MELTF: variants seen among roughly 807,000 people sequenced by gnomAD.
MELTF encodes the protein melanotransferrin.
A neutral mutation model predicts 83.7 loss-of-function variants in MELTF; 67 were observed. The observed-to-expected ratio is 0.80, with a 90% CI of 0.66 to 0.98. The LOEUF is 0.98. MELTF is among the 50% of genes least tolerant of loss of function. MELTF has a pLI of 0.00. For synonymous variants in MELTF, 462 were observed against 447.6 expected (o/e 1.03, Z -0.41); for missense variants, 1,002 against 1,035.6 (o/e 0.97, Z 0.44).
Position 197,017,244 on chromosome 3 carries a change from G to A in MELTF, c.759C>T (p.Phe253=), listed in dbSNP as rs768912729. Residue 253 remains phenylalanine, a synonymous_variant, in exon 7 of 16, where the codon TTC becomes TTT. Transcript: ENST00000296350. The part of the protein sequence containing the change: ...SWGQALLSQD[F]ELLCRDGSRA... Reference sequence around the variant, plus strand: ...GGCTACCATCCCGGCACAGCAGCTCGAAGTCCTGTGACAGCAGGGCCTGGC... The same window carrying A: ...GGCTACCATCCCGGCACAGCAGCTCAAAGTCCTGTGACAGCAGGGCCTGGC... 1.1e-5 allele frequency: 17 copies of A among 1,585,488 alleles called. 1 individual carries two copies. Among genetic ancestry groups the A allele is most frequent in the East Asian group, 4.5e-5 (2 of 43,958 alleles).
intron 11 of MELTF, 110 bp downstream of exon 11, chr3:197,009,508 G>A (rs754419691): frequency 6.5e-6 from 7 of 1,078,708 alleles, no homozygotes; most frequent in Non-Finnish European, 9.4e-6. Context: ...GGGCACATAT[G>A]CAGAAGCCTG....
At chr3:197,017,724 A>C (rs1221591407) in intron 6 of MELTF, among the ~76,000 whole-genome samples, 1 of 152,074 alleles carries the variant, frequency 6.6e-6, no homozygotes, top group Non-Finnish European at 1.5e-5. Context: ...AAAAATACAA[A>C]AAATTAGCTG....
chr3:197,003,343 A>G lies in MELTF; in HGVS notation c.*29T>C. 3 of 1,026,030 alleles carry G rather than the reference A, an allele frequency of 2.9e-6. No homozygotes were observed. Among genetic ancestry groups the G allele is most frequent in the Non-Finnish European group, 2.3e-6 (2 of 860,382 alleles). The allele number at this position is 1,026,030 out of a possible 1,614,324, so 63.6% of individuals were successfully genotyped here. On this transcript the variant is annotated 3_prime_UTR_variant, in exon 16 of 16. Transcript: ENST00000296350. The surrounding 1 kb of genome is among the most constrained non-coding windows in gnomAD (Gnocchi z 6.2). Reference sequence around the variant, plus strand: ...CGCCGCGGAAACTCCCCGGGCGGGCATCGGAGCTCTGGGGCGGGGCGGCCG... The same window carrying G: ...CGCCGCGGAAACTCCCCGGGCGGGCGTCGGAGCTCTGGGGCGGGGCGGCCG...
intron 9 of MELTF, 150 bp from the exon 10 acceptor site, chr3:197,010,944 C>T: frequency 3.0e-6 from 2 of 677,762 alleles, no homozygotes. Flanking sequence ...AGTACCCCAT[C>T]CTGGCAGTCT....
At position 197,029,673 on chromosome 3, in the gene MELTF, C is replaced by G. The variant is rs763585066; in HGVS notation, c.30G>C (p.Leu10=). ...CCTCACCGGTGCGCAGAGCCAGGAG[C>G]AGCCACAGAGCCCCGCTCGGACCCC... MRGPSGALW[L]LLALRTVLGG... The change falls in exon 1 of 16, where the codon CTG becomes CTC. Residue 10 remains leucine, a synonymous_variant. Transcript: ENST00000296350. This position sits in a 1 kb window ranked among gnomAD's most constrained non-coding sequence, Gnocchi z 6.5. 13 of 1,247,816 alleles carry G rather than the reference C, an allele frequency of 1.0e-5. No homozygotes were observed. The East Asian group carries it at 2.8e-4, about 27-fold the overall frequency. The allele number at this position is 1,247,816 out of a possible 1,614,324, so 77.3% of individuals were successfully genotyped here. A position where few individuals can be genotyped will look rare whatever the true frequency, so the allele number is the denominator to read the frequency against.
intron 3 of MELTF, chr3:197,026,371 C>T (rs1367777618): frequency 1.9e-5 from 8 of 412,356 alleles, no homozygotes; most frequent in South Asian, 1.4e-4. Flanking sequence ...GCACCGTGCC[C>T]GGCACCACGC....
intron 6 of MELTF, among the ~76,000 whole-genome samples, chr3:197,020,533 CAGTT>C (rs1407957170): frequency 6.6e-6 from 1 of 152,002 alleles, no homozygotes; most frequent in Admixed American, 6.6e-5. Flanking sequence ...AAATGCTAAA[CAGTT>C]AGAATTTGGG....
intron 6 of MELTF, 122 bp from the exon 7 acceptor site, chr3:197,017,412 C>G: frequency 2.3e-6 from 2 of 871,616 alleles, no homozygotes; most frequent in Non-Finnish European, 3.4e-6. Flanking sequence ...ACCCAGCATT[C>G]AGAAGGTGGC....
At position 197,017,392 on chromosome 3, in the gene MELTF, G is replaced by T. The variant is rs1159655609; in HGVS notation, c.713-102C>A. 9 of 1,098,844 alleles carry T rather than the reference G, an allele frequency of 8.2e-6. No individual in the cohort carries two copies. The African/African-American group carries it at 1.4e-4, about 17-fold the overall frequency. 68.1% of individuals were successfully genotyped at this position (1,098,844 alleles called of 1,614,324 possible). The stretch of plus-strand genomic sequence containing the variant: ...AATCTGAGGGGTGGCTGGGTGTCAT[G>T]GACATGAGAACCCAGCATTCAGAAG... On this transcript the variant is annotated intron_variant, in intron 6 of 15. Coordinates refer to ENST00000296350, the MANE Select transcript of MELTF (RefSeq NM_005929.6).
Position 197,006,661 on chromosome 3 carries a change from G to A in MELTF, c.1826C>T (p.Ala609Val), listed in dbSNP as rs1475649028. 1 of 1,603,476 alleles carries A rather than the reference G, an allele frequency of 6.2e-7. No homozygotes were observed. The highest frequency in any genetic ancestry group is 8.5e-7 in the Non-Finnish European group (1 of 1,174,698). ...GCAGGCTGCAAACTGGGACACCTCG[G>A]CTCGGGCCCCGTTGGGGCACAGCAG... The part of the protein sequence containing the change: ...YELLCPNGAR[A>V]EVSQFAACNL... The change falls in exon 14 of 16, where the codon GCC becomes GTC. Residue 609 changes from alanine (A) to valine (V), a missense_variant. Physicochemically the swap from Ala to Val is moderately conservative, Grantham distance 64 (BLOSUM62 0). Transcript: ENST00000296350. This position sits in a 1 kb window ranked among gnomAD's most constrained non-coding sequence, Gnocchi z 5.4.
intron 9 of MELTF, among the ~76,000 whole-genome samples, chr3:197,014,202 G>A (rs1007938393): frequency 1.3e-5 from 2 of 152,122 alleles, no homozygotes; most frequent in African/African-American, 4.8e-5. Flanking sequence ...CCTGTCACTG[G>A]CAGCAACACG....
chr3:197,027,672 C>A, intron 2 of MELTF, 84 bp downstream of exon 2: 1 of 1,472,626 alleles, frequency 6.8e-7, no homozygotes, highest in Non-Finnish European at 9.2e-7. Flanking sequence ...GAGGTCGGCT[C>A]CTTTCCTGGT....
At chr3:197,021,562 G>T in intron 5 of MELTF, 91 bp from the exon 6 acceptor site, 1 of 1,172,058 alleles carries the variant, frequency 8.5e-7, no homozygotes, top group Non-Finnish European at 1.2e-6. Context: ...CTGTAGGGGT[G>T]GCCATGATGG....
At position 197,008,856 on chromosome 3, in the gene MELTF, A is replaced by T. The variant is rs1466226927; in HGVS notation, c.1635T>A (p.Cys545Ter). Residue 545 changes from cysteine (C) to a stop codon, truncating the protein, a stop_gained, in exon 12 of 16, where the codon TGT (cysteine) becomes TGA (stop). Transcript: ENST00000296350. LOFTEE classifies it high-confidence loss of function. This position sits in a 1 kb window ranked among gnomAD's most constrained non-coding sequence, Gnocchi z 5.4. ...AATACCGCTCCTGGCTGTTGCCCAC[A>T]CACTTGTTGCGGCCCTGCTCGTCCC... ...CVGDEQGRNK[C>*]VGNSQERYYG... is the part of the protein sequence containing the mutation. 8.7e-6 allele frequency: 14 copies of T among 1,613,912 alleles called. No homozygotes were observed. The highest frequency in any genetic ancestry group is 1.2e-5 in the Non-Finnish European group (14 of 1,180,010).
In MELTF at chr3:197,008,798, C is replaced by T. The variant is rs1270171104; in HGVS notation, c.1682+11G>A. 1.1e-5 allele frequency: 17 copies of T among 1,613,948 alleles called. No individual in the cohort carries two copies. The highest frequency in any genetic ancestry group is 2.2e-5 in the East Asian group (1 of 44,894). On this transcript the variant is annotated intron_variant, in intron 12 of 15. Coordinates refer to ENST00000296350, the MANE Select transcript of MELTF (RefSeq NM_005929.6). The surrounding 1 kb of genome is among the most constrained non-coding windows in gnomAD (Gnocchi z 5.4). The stretch of plus-strand genomic sequence containing the variant: ...TGCACACAGCCCCAGACTGCCAGGC[C>T]ACCCGGGTACCTGAAGGCGCCGCGG...
At chr3:197,012,043 A>G (rs1719203270) in intron 9 of MELTF, among the ~76,000 whole-genome samples, 1 of 152,192 alleles carries the variant, frequency 6.6e-6, no homozygotes, top group South Asian at 2.1e-4. Flanking sequence ...CCCTTTCCGC[A>G]GTTCCGGTGG....
In MELTF at chr3:197,003,517, T is replaced by G; in HGVS notation, c.2138-66A>C. 2 of 166,884 alleles carry G rather than the reference T, an allele frequency of 1.2e-5. No individual in the cohort carries two copies. Among genetic ancestry groups the G allele is most frequent in the Non-Finnish European group, 1.8e-5 (2 of 113,648 alleles). 10.3% of individuals were successfully genotyped at this position (166,884 alleles called of 1,614,324 possible). On this transcript the variant is annotated intron_variant, in intron 15 of 15. Transcript: ENST00000296350. The surrounding 1 kb of genome is among the most constrained non-coding windows in gnomAD (Gnocchi z 6.2). ...CGCGGTGGCCGCCTCAGGCGCCCGC[T>G]CTGGGGTGGGGGTGGGGGCATCTTT...
Position 197,024,249 on chromosome 3 carries a change from C to T in MELTF, c.487+54G>A. 2 of 1,503,948 alleles carry T rather than the reference C, an allele frequency of 1.3e-6. No individual in the cohort carries two copies. The highest frequency in any genetic ancestry group is 2.6e-5 in the South Asian group (2 of 76,196). The allele number at this position is 1,503,948 out of a possible 1,614,324, so 93.2% of individuals were successfully genotyped here. A position where few individuals can be genotyped will look rare whatever the true frequency, so the allele number is the denominator to read the frequency against. On this transcript the variant is annotated intron_variant, in intron 4 of 15. Coordinates refer to ENST00000296350, the MANE Select transcript of MELTF (RefSeq NM_005929.6). This position sits in a 1 kb window ranked among gnomAD's most constrained non-coding sequence, Gnocchi z 5.3. ...ACCCAGTGAAGGGACGAGCATGGGCCAAGGAAAGGAGGGGGAGGCCTGGGG... is the reference window on the plus strand; with the variant it reads ...ACCCAGTGAAGGGACGAGCATGGGCTAAGGAAAGGAGGGGGAGGCCTGGGG...
At chr3:197,009,123 C>T (rs1014205537) in intron 11 of MELTF, among the ~76,000 whole-genome samples, 158 bp from the exon 12 acceptor site, 1 of 152,170 alleles carries the variant, frequency 6.6e-6, no homozygotes, top group Non-Finnish European at 1.5e-5. Context: ...GGAGTGTCTC[C>T]TGGAGGATCT....
Sources: allele counts gnomAD v4.1 joint callset (sites outside exome capture counted in the v4.1 genomes callset), GRCh38; gene constraint gnomAD v4.1.1; non-coding constraint Gnocchi (gnomAD v3.1); transcripts MANE v1.5; gene names NCBI Gene and HGNC (gene_info 2026-07-23, HGNC 2026-07-21).